WDR77: variants seen among roughly 807,000 people sequenced by gnomAD.
The protein encoded by WDR77 is methylosome protein WDR77.
In WDR77, 31 loss-of-function variants were observed where a neutral mutation model predicts 44.0. The ratio of observed to expected loss-of-function variants is 0.70; its 90% CI spans 0.53 to 0.95. The LOEUF (loss-of-function observed/expected upper bound fraction) is 0.95, where lower values mean the gene tolerates loss of function less well. WDR77 is among the 40% of genes least tolerant of loss of function. The probability of loss-of-function intolerance (pLI) is 0.00; values close to 1 mark genes in which losing one functional copy is unlikely to be tolerated. For synonymous variants in WDR77, 186 were observed against 165.7 expected (o/e 1.12, Z -0.94); for missense variants, 390 against 423.9 (o/e 0.92, Z 0.70).
rs1652757398 is a variant in WDR77, at chr1:111,440,403, C to G, written c.*827G>C. On this transcript the variant is annotated 3_prime_UTR_variant, in exon 10 of 10. Transcript: ENST00000235090. ...CACATCAAGAGAAAGGGGACCAGGG[C>G]AGAAGATGTCAGGCCCCATGCTGTT... The G allele has an allele frequency of 6.6e-6, 1 of 152,196 alleles. No individual in the cohort carries two copies. Among genetic ancestry groups the G allele is most frequent in the Non-Finnish European group, 1.5e-5 (1 of 68,062 alleles). The allele number at this position is 152,196 out of a possible 1,614,324, so 9.4% of individuals were successfully genotyped here. A position where few individuals can be genotyped will look rare whatever the true frequency, so the allele number is the denominator to read the frequency against.
At chr1:111,448,934 G>T (rs779452677) in intron 1 of WDR77, 121 bp downstream of exon 1, 1 of 1,539,758 alleles carries the variant, frequency 6.5e-7, no homozygotes, top group East Asian at 2.4e-5. Flanking sequence ...GGGACAGCTC[G>T]GTGACGCGAC....
At chr1:111,442,904 C>T in intron 7 of WDR77, 143 bp from the exon 8 acceptor site, 1 of 553,850 alleles carries the variant, frequency 1.8e-6, no homozygotes, top group Non-Finnish European at 3.1e-6. Context: ...TAATAAGTCA[C>T]TGGATCATTG....
chr1:111,444,621 T>A (rs762827647), intron 4 of WDR77, among the ~76,000 whole-genome samples: 16 of 152,194 alleles, frequency 1.1e-4, no homozygotes, highest in African/African-American at 3.9e-4. Context: ...CTGTCATTCA[T>A]CCCAGATCTT....
intron 9 of WDR77, 54 bp from the exon 10 acceptor site, chr1:111,441,443 G>A: frequency 7.0e-7 from 1 of 1,421,516 alleles, no homozygotes; most frequent in Non-Finnish European, 9.3e-7. Flanking sequence ...AGCAGACCTG[G>A]AGAAAAAAAG....
At chr1:111,447,220 C>G in intron 3 of WDR77, 76 bp from the exon 4 acceptor site, 1 of 1,572,368 alleles carries the variant, frequency 6.4e-7, no homozygotes, top group African/African-American at 1.4e-5. Context: ...ACAAGAACTT[C>G]CTGTAATCAA....
In WDR77 at chr1:111,440,189, G is replaced by C. The variant is rs1652748166; in HGVS notation, c.*1041C>G. On this transcript the variant is annotated 3_prime_UTR_variant, in exon 10 of 10. Transcript: ENST00000235090. ...CTGGGGAAGCACAGGAAAAATAATG[G>C]GCTACAAGACCAACACCATGATGAC... The C allele has an allele frequency of 6.6e-6, 1 of 151,978 alleles. No individual in the cohort carries two copies. The highest frequency in any genetic ancestry group is 2.1e-4 in the South Asian group (1 of 4,822). 9.4% of individuals were successfully genotyped at this position (151,978 alleles called of 1,614,324 possible). A position where few individuals can be genotyped will look rare whatever the true frequency, so the allele number is the denominator to read the frequency against.
intron 4 of WDR77, among the ~76,000 whole-genome samples, chr1:111,445,542 T>C (rs1403048521): frequency 6.6e-6 from 1 of 152,162 alleles, no homozygotes; most frequent in East Asian, 1.9e-4. Flanking sequence ...AGGAGACCAC[T>C]TGAGCCCAGG....
intron 9 of WDR77, 114 bp from the exon 10 acceptor site, chr1:111,441,503 C>T: frequency 1.5e-6 from 2 of 1,359,524 alleles, no homozygotes; most frequent in Non-Finnish European, 1.9e-6. Flanking sequence ...ACACACATTT[C>T]ACCAACTGTA....
chr1:111,442,542 C>A, intron 8 of WDR77, 111 bp downstream of exon 8: 1 of 673,888 alleles, frequency 1.5e-6, no homozygotes, highest in Non-Finnish European at 2.3e-6. Context: ...TCAGCTAGAA[C>A]ACTGTCTGCT....
Position 111,441,286 on chromosome 1 carries a change from G to A in WDR77, c.973C>T (p.His325Tyr). Residue 325 changes from histidine to tyrosine, a missense_variant, in exon 10 of 10, where the codon CAC becomes TAC. Coordinates refer to ENST00000235090, the MANE Select transcript of WDR77 (RefSeq NM_024102.4). Reference protein sequence around the residue: ...TVGWDHQVVHHVVPTEPLPAP... With the variant: ...TVGWDHQVVHYVVPTEPLPAP... ...GGGAGAGGTTCTGTGGGCACAACGT[G>A]GTGGACGACCTGATGGTCCCAGCCC... 6.3e-7 allele frequency: 1 copy of A among 1,588,680 alleles called. No homozygotes were observed. The highest frequency in any genetic ancestry group is 8.6e-7 in the Non-Finnish European group (1 of 1,165,998).
At chr1:111,447,607 C>G (rs1021045847) in intron 2 of WDR77, 31 bp from the exon 3 acceptor site, 1 of 1,613,426 alleles carries the variant, frequency 6.2e-7, no homozygotes, top group African/African-American at 1.3e-5. Flanking sequence ...AAAACATGAG[C>G]TTGGATTATA....
At chr1:111,443,439 A>G (rs1380107224) in intron 6 of WDR77, 45 bp from the exon 7 acceptor site, 2 of 1,523,264 alleles carry the variant, frequency 1.3e-6, no homozygotes, top group South Asian at 2.4e-5. Flanking sequence ...CAGAGTACAG[A>G]AGAAGCAGTT....
chr1:111,448,653 A>G lies in WDR77; in HGVS notation c.267T>C (p.Val89=), dbSNP rs535781994. The G allele has an allele frequency of 2.4e-5, 38 of 1,614,122 alleles. No homozygotes were observed. The East Asian group carries it at 7.4e-4, about 31-fold the overall frequency. ...AGGCCACTAGAATACCTCTCTCCCC[A>G]ACCCAAGTGAGGTCAGCCACTCCAG... ...TEAGVADLTW[V]GERGILVASD... is the part of the protein sequence containing the mutation. The change falls in exon 2 of 10, where the codon GTT becomes GTC. Residue 89 remains valine (V), a synonymous_variant. Coordinates refer to ENST00000235090, the MANE Select transcript of WDR77 (RefSeq NM_024102.4).
chr1:111,443,649 A>G (rs1652905650), intron 6 of WDR77: 2 of 985,206 alleles, frequency 2.0e-6, no homozygotes, highest in Non-Finnish European at 2.4e-6. Context: ...CTACCATCTA[A>G]TAAAGTAAAT....
intron 2 of WDR77, 141 bp from the exon 3 acceptor site, chr1:111,447,717 G>A (rs920897233): frequency 2.0e-6 from 2 of 979,282 alleles, no homozygotes; most frequent in East Asian, 5.1e-5. Context: ...CATCATTGGA[G>A]AGTTCAGCTA....
chr1:111,443,243 T>A, intron 7 of WDR77, 80 bp downstream of exon 7: 4 of 1,377,086 alleles, frequency 2.9e-6, no homozygotes, highest in Non-Finnish European at 4.0e-6. Flanking sequence ...AACAAGGGCC[T>A]TGTGTGTTGT....
chr1:111,443,946 G>T (rs1183663006), intron 5 of WDR77, 25 bp from the exon 6 acceptor site: 1 of 1,614,130 alleles, frequency 6.2e-7, no homozygotes, highest in Non-Finnish European at 8.5e-7. Context: ...AACAGAAAAA[G>T]GATTTCATAA....
chr1:111,441,478 TTTTTTGG>T (rs1258918952), intron 9 of WDR77, 89 bp from the exon 10 acceptor site: 1 of 1,393,844 alleles, frequency 7.2e-7, no homozygotes, highest in Non-Finnish European at 9.4e-7. Context: ...CTGGGGCACA[TTTTTTGG>T]GTGTGTTACA....
intron 9 of WDR77, 27 bp downstream of exon 9, chr1:111,441,998 T>A: frequency 6.2e-7 from 1 of 1,609,074 alleles, no homozygotes; most frequent in East Asian, 2.2e-5. Flanking sequence ...CTTCCCTGAT[T>A]CCCAAAGGAT....
Sources: allele counts gnomAD v4.1 joint callset (sites outside exome capture counted in the v4.1 genomes callset), GRCh38; gene constraint gnomAD v4.1.1; transcripts MANE v1.5; gene names NCBI Gene and HGNC (gene_info 2026-07-23, HGNC 2026-07-21).